Variants in SLC13A4 observed in about 807,000 individuals in gnomAD.
SLC13A4 encodes the protein Na(+)/sulfate cotransporter SUT-1.
SLC13A4 carries 28 observed loss-of-function variants against 72.7 expected under a neutral mutation model. That is an observed-to-expected ratio of 0.39 (90% CI 0.29 to 0.53). The LOEUF is 0.53. Ranked by LOEUF, SLC13A4 falls within the 20% of genes least tolerant of loss-of-function variation. The pLI is 0.78. For synonymous variants in SLC13A4, 312 were observed against 325.5 expected, an observed-to-expected ratio of 0.96 and a Z score of 0.45; for missense variants, 653 against 788.0, an observed-to-expected ratio of 0.83 and a Z score of 2.05.
rs1296884419 is a variant in SLC13A4 at position 135,701,694 on chromosome 7, G to A, written c.700C>T (p.Gln234Ter). The part of the protein sequence containing the change: ...KTANQHQGKK[Q>*]HPSQEKPQVL... Reference sequence around the variant, plus strand: ...CGTTCTATTACCTGGGATGGGTGTTGCTTCTTGCCCTGGTGTTGGTTTGCA... The same window carrying A: ...CGTTCTATTACCTGGGATGGGTGTTACTTCTTGCCCTGGTGTTGGTTTGCA... Residue 234 changes from glutamine to a stop codon, truncating the protein, a stop_gained, in exon 7 of 16, where the codon CAA becomes TAA. Transcript: ENST00000682651. LOFTEE classifies it high-confidence loss of function. The A allele has an allele frequency of 2.5e-6, 4 of 1,613,430 alleles. No homozygotes were observed. The highest frequency in any genetic ancestry group is 3.4e-6 in the Non-Finnish European group (4 of 1,179,714).
Position 135,727,667 on chromosome 7 carries a change from T to C in SLC13A4, c.-171A>G. The C allele has an allele frequency of 1.3e-6, 1 of 748,392 alleles. No individual in the cohort carries two copies. Among genetic ancestry groups the C allele is most frequent in the Non-Finnish European group, 2.0e-6 (1 of 490,616 alleles). The allele number at this position is 748,392 out of a possible 1,614,324, so 46.4% of individuals were successfully genotyped here. A position where few individuals can be genotyped will look rare whatever the true frequency, so the allele number is the denominator to read the frequency against. On this transcript the variant is annotated 5_prime_UTR_variant, in exon 1 of 16. Coordinates refer to ENST00000682651, the MANE Select transcript of SLC13A4 (RefSeq NM_001318192.2). ...AGGGCAGTTATACCCTCGCTGTTTC[T>C]ACAAGAGGCTGGGCTCCTGGCCTCC... is the stretch of plus-strand genomic sequence containing the variant.
At chr7:135,691,156 T>G (rs770536878) in intron 13 of SLC13A4, 45 bp downstream of exon 13, 2 of 1,529,462 alleles carry the variant, frequency 1.3e-6, no homozygotes, top group Admixed American at 4.1e-5. Context: ...AGAGCAAGAC[T>G]GTCTCAAAAA....
In SLC13A4 at chr7:135,727,564, A is replaced by G. The variant is rs1796695896; in HGVS notation, c.-68T>C. ...CCGGCGAAAGGCTTCCTGCCTGGGCACTGCTCTCTATCCAGAAAGACTTCT... is the reference window on the plus strand; with the variant it reads ...CCGGCGAAAGGCTTCCTGCCTGGGCGCTGCTCTCTATCCAGAAAGACTTCT... On this transcript the variant is annotated 5_prime_UTR_variant, in exon 1 of 16. Coordinates refer to ENST00000682651, the MANE Select transcript of SLC13A4 (RefSeq NM_001318192.2). 4 of 1,504,856 alleles carry G rather than the reference A, an allele frequency of 2.7e-6. No individual in the cohort carries two copies. The highest frequency in any genetic ancestry group is 3.6e-6 in the Non-Finnish European group (4 of 1,119,858). The allele number at this position is 1,504,856 out of a possible 1,614,324, so 93.2% of individuals were successfully genotyped here.
At chr7:135,715,156 TGTGA>T (rs1020457529) in intron 2 of SLC13A4, among the ~76,000 whole-genome samples, 7 of 151,492 alleles carry the variant, frequency 4.6e-5, no homozygotes, top group African/African-American at 1.5e-4. Flanking sequence ...TGTATGAGTG[TGTGA>T]GAGTATATAT....
In SLC13A4 at chr7:135,681,402, C is replaced by G. The variant is rs909052397; in HGVS notation, c.*161G>C. The stretch of plus-strand genomic sequence containing the variant: ...GTTTGTGGTTGTTGGAGGATTCCTG[C>G]AGTTCACTTGAGGTGGCGGAATCTT... On this transcript the variant is annotated 3_prime_UTR_variant, in exon 16 of 16. Transcript: ENST00000682651. The G allele has an allele frequency of 1.3e-6, 1 of 759,490 alleles. No individual in the cohort carries two copies. The highest frequency in any genetic ancestry group is 1.7e-5 in the African/African-American group (1 of 57,730). 47.0% of individuals were successfully genotyped at this position (759,490 alleles called of 1,614,324 possible). A position where few individuals can be genotyped will look rare whatever the true frequency, so the allele number is the denominator to read the frequency against.
chr7:135,715,397 A>C (rs1280632682), intron 2 of SLC13A4, among the ~76,000 whole-genome samples: 1 of 133,028 alleles, frequency 7.5e-6, no homozygotes, highest in South Asian at 2.5e-4. Flanking sequence ...ATGTGTGAAC[A>C]TGTGTGTATG....
At chr7:135,719,813 G>GTATGTGTGTGTA (rs59771869) in intron 2 of SLC13A4, among the ~76,000 whole-genome samples, 1 of 146,426 alleles carries the variant, frequency 6.8e-6, no homozygotes, top group Admixed American at 6.7e-5. Flanking sequence ...ATGTGTGTGT[G>GTATGTGTGTGTA]TGTGTGTGTG....
rs1795499974 is a variant in SLC13A4 at position 135,681,501 on chromosome 7, G to A, written c.*62C>T. On this transcript the variant is annotated 3_prime_UTR_variant, in exon 16 of 16. Coordinates refer to ENST00000682651, the MANE Select transcript of SLC13A4 (RefSeq NM_001318192.2). ...GTGGTCCTAGTGGTTTTCTTTGCCT[G>A]TGGTCCAGATACTGCTGGATACTGG... 5 of 1,564,582 alleles carry A rather than the reference G, an allele frequency of 3.2e-6. No individual in the cohort carries two copies. The highest frequency in any genetic ancestry group is 1.4e-5 in the African/African-American group (1 of 74,054).
chr7:135,694,551 G>A (rs938073255), intron 9 of SLC13A4, among the ~76,000 whole-genome samples: 4 of 152,120 alleles, frequency 2.6e-5, no homozygotes, highest in Non-Finnish European at 4.4e-5. Flanking sequence ...TGTCTTTTAC[G>A]TAAGTAAAAT....
chr7:135,718,091 G>C, intron 2 of SLC13A4, among the ~76,000 whole-genome samples: 1 of 80,342 alleles, frequency 1.2e-5, no homozygotes, highest in African/African-American at 6.6e-5. Context: ...ACACACACGC[G>C]CGCGCGCGCA....
chr7:135,701,489 G>A (rs1563162291), intron 7 of SLC13A4, among the ~76,000 whole-genome samples, 191 bp downstream of exon 7: 1 of 152,210 alleles, frequency 6.6e-6, no homozygotes, highest in Non-Finnish European at 1.5e-5. Flanking sequence ...GCAGTGGACT[G>A]TCTTGCTACA....
At chr7:135,727,343 C>T (rs1200228488) in intron 1 of SLC13A4, 55 bp downstream of exon 1, 1 of 1,535,650 alleles carries the variant, frequency 6.5e-7, no homozygotes, top group Non-Finnish European at 8.8e-7. Flanking sequence ...CCGACCTCCC[C>T]TCTTTGCCCT....
At position 135,681,650 on chromosome 7, in the gene SLC13A4, C is replaced by T; in HGVS notation, c.1797G>A (p.Val599=). 1 of 1,614,054 alleles carries T rather than the reference C, an allele frequency of 6.2e-7. No individual in the cohort carries two copies. Residue 599 remains valine, a synonymous_variant, in exon 16 of 16, where the codon GTG becomes GTA. Transcript: ENST00000682651. ...VNVIGLVIVM[V]AINTWGVSLF... Reference sequence around the variant, plus strand: ...GGCTAACTCCCCAGGTGTTGATGGCCACCATTACTATCACCAGTCCAATAA... The same window carrying T: ...GGCTAACTCCCCAGGTGTTGATGGCTACCATTACTATCACCAGTCCAATAA...
At chr7:135,705,882 T>C (rs1211537582) in intron 4 of SLC13A4, 4 of 564,896 alleles carry the variant, frequency 7.1e-6, no homozygotes, top group Non-Finnish European at 1.3e-5. Context: ...CCTTGAGCAT[T>C]TGGGGGAAAA....
chr7:135,691,505 A>G, intron 12 of SLC13A4, 43 bp downstream of exon 12: 2 of 1,553,696 alleles, frequency 1.3e-6, no homozygotes, highest in Non-Finnish European at 1.8e-6. Flanking sequence ...TGATTTGGGT[A>G]TTCTTCAACT....
chr7:135,717,873 T>G (rs1796462121), intron 2 of SLC13A4, among the ~76,000 whole-genome samples: 1 of 151,974 alleles, frequency 6.6e-6, no homozygotes, highest in Non-Finnish European at 1.5e-5. Flanking sequence ...TTTGCCTCCT[T>G]TTTCCAGTCT....
Position 135,691,229 on chromosome 7 carries a change from C to T in SLC13A4, c.1418G>A (p.Gly473Glu), listed in dbSNP as rs1314220047. 1.9e-6 allele frequency: 3 copies of T among 1,612,412 alleles called. No individual in the cohort carries two copies. Among genetic ancestry groups the T allele is most frequent in the Admixed American group, 1.7e-5 (1 of 59,668 alleles). Residue 473 changes from glycine (G) to glutamate (E), a missense_variant, in exon 13 of 16, where the codon GGA becomes GAA. Coordinates refer to ENST00000682651, the MANE Select transcript of SLC13A4 (RefSeq NM_001318192.2). Reference sequence around the variant, plus strand: ...GCTACCAGAAGCCAGAGCATAGCCTCCCCCAACCAGAATGACAATCTCCCA... The same window carrying T: ...GCTACCAGAAGCCAGAGCATAGCCTTCCCCAACCAGAATGACAATCTCCCA... ...MPWEIVILVGGGYALASGSKS... is the reference protein window; with the variant it reads ...MPWEIVILVGEGYALASGSKS...
At chr7:135,703,448 G>A (rs1796086601) in intron 5 of SLC13A4, 1 of 154,582 alleles carries the variant, frequency 6.5e-6, no homozygotes, top group Non-Finnish European at 1.4e-5. Context: ...ATGCGTATCG[G>A]AGGTGACAGG....
intron 8 of SLC13A4, 60 bp from the exon 9 acceptor site, chr7:135,695,547 G>C: frequency 1.9e-6 from 3 of 1,564,652 alleles, no homozygotes; most frequent in Non-Finnish European, 2.6e-6. Flanking sequence ...TGGTATTTTG[G>C]GGTAGTATGC....
Sources: allele counts gnomAD v4.1 joint callset (sites outside exome capture counted in the v4.1 genomes callset), GRCh38; gene constraint gnomAD v4.1.1; transcripts MANE v1.5; gene names NCBI Gene and HGNC (gene_info 2026-07-23, HGNC 2026-07-21).